The following VWA8 variants were observed in gnomAD, a reference collection of about 807,000 sequenced individuals.
VWA8 encodes the protein von Willebrand factor A domain containing 8, also known as von Willebrand factor A domain-containing protein 8.
Under a neutral mutation model 241.5 loss-of-function variants are expected in VWA8, and 221 were observed. The observed-to-expected ratio is 0.91, with a 90% CI of 0.82 to 1.02. The LOEUF is 1.02. Ranked by LOEUF, VWA8 falls within the 50% of genes least tolerant of loss-of-function variation. The pLI is 0.00. For synonymous variants in VWA8, 852 were observed against 827.1 expected (o/e 1.03, Z -0.52); for missense variants, 2,322 against 2,328.7 (o/e 1.00, Z 0.06).
At chr13:41,866,135 G>T in intron 10 of VWA8, 99 bp from the exon 11 acceptor site, 1 of 1,482,182 alleles carries the variant, frequency 6.7e-7, no homozygotes, top group Middle Eastern at 2.1e-4. Flanking sequence ...ATCACTTGAG[G>T]TTAGTAGTTC....
At chr13:41,960,752 T>C (rs906144350) in intron 1 of VWA8, 101 bp downstream of exon 1, 1 of 1,398,484 alleles carries the variant, frequency 7.2e-7, no homozygotes, top group Admixed American at 3.0e-5. Flanking sequence ...AAACGGTCCT[T>C]CCAAGCGCAG....
At chr13:41,722,204 GT>G (rs1237002467) in intron 24 of VWA8, among the ~76,000 whole-genome samples, 1 of 152,094 alleles carries the variant, frequency 6.6e-6, no homozygotes, top group East Asian at 1.9e-4. Context: ...TTAGAGGTTA[GT>G]TTTGGTAGAG....
At chr13:41,620,358 C>G (rs1322826539) in intron 37 of VWA8, among the ~76,000 whole-genome samples, 1 of 152,090 alleles carries the variant, frequency 6.6e-6, no homozygotes, top group Non-Finnish European at 1.5e-5. Flanking sequence ...ATTCTTCTCT[C>G]TTTTCTTCTT....
At chr13:41,650,062 C>T (rs1485798918) in intron 37 of VWA8, among the ~76,000 whole-genome samples, 7 of 152,206 alleles carry the variant, frequency 4.6e-5, no homozygotes, top group Admixed American at 2.6e-4. Context: ...AAAGTTAATT[C>T]GGTAGCTCTT....
At chr13:41,860,519 G>C (rs959293772) in intron 12 of VWA8, among the ~76,000 whole-genome samples, 3 of 152,284 alleles carry the variant, frequency 2.0e-5, no homozygotes, top group Non-Finnish European at 4.4e-5. Context: ...TCAGGAAATA[G>C]AAAGTCCTGC....
intron 17 of VWA8, chr13:41,807,571 C>T (rs1272315396): frequency 6.6e-6 from 1 of 152,152 alleles, no homozygotes; most frequent in Admixed American, 6.5e-5. Context: ...ATCATATCAA[C>T]AGAAGGTAAA....
At chr13:41,637,585 AT>A (rs1429877191) in intron 37 of VWA8, among the ~76,000 whole-genome samples, 4 of 151,664 alleles carry the variant, frequency 2.6e-5, no homozygotes, top group South Asian at 2.1e-4. Context: ...ATAAAAAAAA[AT>A]AAATAATAAA....
chr13:41,648,631 C>T (rs1030311349), intron 37 of VWA8, among the ~76,000 whole-genome samples: 1 of 152,104 alleles, frequency 6.6e-6, no homozygotes, highest in African/African-American at 2.4e-5. Context: ...CTACTTTTGA[C>T]GGGGCCGTAA....
chr13:41,651,693 T>G (rs963467473), intron 37 of VWA8, among the ~76,000 whole-genome samples: 1 of 152,190 alleles, frequency 6.6e-6, no homozygotes, highest in Non-Finnish European at 1.5e-5. Context: ...TATCAACTGA[T>G]TTTTTCCAAC....
At chr13:41,735,281 C>T (rs551689119) in intron 21 of VWA8, among the ~76,000 whole-genome samples, 120 of 152,176 alleles carry the variant, frequency 7.9e-4, no homozygotes, top group African/African-American at 2.8e-3. Context: ...CAGTTGTTAC[C>T]TTAATAATTA....
At chr13:41,668,863 G>A (rs1179425789) in intron 37 of VWA8, among the ~76,000 whole-genome samples, 4 of 152,190 alleles carry the variant, frequency 2.6e-5, no homozygotes, top group African/African-American at 9.7e-5. Context: ...GATCAAAGGA[G>A]AATGTCAGAT....
At chr13:41,739,657 A>C (rs1265284184) in intron 21 of VWA8, among the ~76,000 whole-genome samples, 1 of 152,110 alleles carries the variant, frequency 6.6e-6, no homozygotes, top group African/African-American at 2.4e-5. Flanking sequence ...AAAGAAAATC[A>C]GTGTTTAAGT....
At chr13:41,691,991 G>A (rs2045181577) in intron 30 of VWA8, 53 bp from the exon 31 acceptor site, 1 of 1,238,904 alleles carries the variant, frequency 8.1e-7, no homozygotes, top group South Asian at 1.2e-5. Flanking sequence ...ATACAGTCAT[G>A]TCCCTCTTTA....
At chr13:41,582,626 A>C (rs1280190483) in intron 42 of VWA8, among the ~76,000 whole-genome samples, 1 of 152,028 alleles carries the variant, frequency 6.6e-6, no homozygotes, top group Admixed American at 6.6e-5. Flanking sequence ...GTTCATGCAT[A>C]ATTTTTTTTT....
Position 41,764,460 on chromosome 13 carries a change from T to C in VWA8, c.2350-3256A>G, listed in dbSNP as rs545624310. ...GAAACAGCTACAGCCTCTCACCATA[T>C]TCACAGCTTATAGTCTAGTAGGGAA... On this transcript the variant is annotated intron_variant, in intron 20 of 44. Transcript: ENST00000379310. 1.1e-4 allele frequency among the ~76,000 whole-genome samples: 16 copies of C among 152,264 alleles called. No individual in the cohort carries two copies. In the South Asian group the frequency reaches 1.7e-3, roughly 16 times the overall value.
intron 12 of VWA8, among the ~76,000 whole-genome samples, chr13:41,863,396 TG>T (rs1873102223): frequency 5.3e-5 from 1 of 18,856 alleles, no homozygotes; most frequent in African/African-American, 1.5e-4. Flanking sequence ...ATCTCCTATT[TG>T]TGTGTGTGTG....
chr13:41,910,046 A>G lies in VWA8; in HGVS notation c.372+1992T>C, dbSNP rs17062627. ...AAGCTAGTATTAAGTTTTCTTATGT[A>G]TATCCACAGCCTATGGTTGCCTCAG... On this transcript the variant is annotated intron_variant, in intron 3 of 44. Transcript: ENST00000379310. Among the ~76,000 whole-genome samples the G allele has an allele frequency of 3.6e-3, 555 of 152,282 alleles. 2 individuals are homozygous for G. The highest frequency in any genetic ancestry group is 0.013 in the African/African-American group (525 of 41,562).
chr13:41,842,948 C>T (rs773144980), intron 12 of VWA8, among the ~76,000 whole-genome samples: 12 of 152,200 alleles, frequency 7.9e-5, no homozygotes, highest in Admixed American at 1.3e-4. Flanking sequence ...TGGCTAAATT[C>T]CTCCTGGTAC....
chr13:41,729,495 T>C (rs768594957), intron 23 of VWA8, 47 bp downstream of exon 23: 6 of 1,571,820 alleles, frequency 3.8e-6, no homozygotes, highest in Non-Finnish European at 5.2e-6. Flanking sequence ...TACAGAGATA[T>C]AAACATTGTA....
Sources: gnomAD v4.1 joint callset for allele counts (sites outside exome capture counted in the v4.1 genomes callset) on GRCh38, gnomAD v4.1.1 for gene constraint, MANE v1.5 for transcripts, NCBI Gene and HGNC (gene_info 2026-07-23, HGNC 2026-07-21) for gene names.